The following LRRC4C variants were observed in gnomAD, a reference collection of about 807,000 sequenced individuals.
The protein encoded by LRRC4C is leucine rich repeat containing 4C.
LRRC4C carries 5 observed loss-of-function variants against 33.6 expected under a neutral mutation model. The observed-to-expected ratio is 0.15, with a 90% CI of 0.08 to 0.31. The LOEUF (loss-of-function observed/expected upper bound fraction) is 0.31. Among genes scored for constraint, LRRC4C ranks in the 10% least tolerant of loss-of-function variants. LRRC4C has a pLI of 1.00. For missense variants in LRRC4C, 560 were observed against 796.7 expected, an observed-to-expected ratio of 0.70 and a Z score of 3.58; for synonymous variants, 329 against 302.0, an observed-to-expected ratio of 1.09 and a Z score of -0.93.
chr11:40,139,183 A>G (rs1590488989), intron 6 of LRRC4C, among the ~76,000 whole-genome samples: 1 of 151,868 alleles, frequency 6.6e-6, no homozygotes, highest in South Asian at 2.1e-4. Context: ...AAGAAGACAC[A>G]TACACAGAGT....
chr11:41,004,819 A>C (rs1854624686), intron 1 of LRRC4C, among the ~76,000 whole-genome samples: 1 of 152,158 alleles, frequency 6.6e-6, no homozygotes, highest in Non-Finnish European at 1.5e-5. Flanking sequence ...AAATGTATGA[A>C]TTTTGAAGCC....
intron 3 of LRRC4C, among the ~76,000 whole-genome samples, chr11:40,504,429 G>T (rs1262764299): frequency 1.3e-5 from 2 of 151,878 alleles, no homozygotes; most frequent in African/African-American, 2.4e-5. Context: ...CACAGAAAAA[G>T]ACTCAGATGA....
chr11:40,421,432 G>T (rs1040328846), intron 3 of LRRC4C, among the ~76,000 whole-genome samples: 6 of 152,144 alleles, frequency 3.9e-5, no homozygotes, highest in African/African-American at 1.4e-4. Flanking sequence ...GTCGCTTGTG[G>T]GCAACCTTCC....
At chr11:40,175,319 G>T (rs1481333400) in intron 5 of LRRC4C, among the ~76,000 whole-genome samples, 1 of 152,198 alleles carries the variant, frequency 6.6e-6, no homozygotes, top group Non-Finnish European at 1.5e-5. Flanking sequence ...AAAAATGCGT[G>T]AGCATTTGCT....
chr11:41,344,179 T>G (rs1951726540), intron 1 of LRRC4C, among the ~76,000 whole-genome samples: 1 of 151,692 alleles, frequency 6.6e-6, no homozygotes, highest in African/African-American at 2.4e-5. Context: ...CAGAGCCCAG[T>G]GATTTTCCCA....
intron 3 of LRRC4C, among the ~76,000 whole-genome samples, chr11:40,585,702 T>G (rs930814195): frequency 2.1e-4 from 30 of 140,396 alleles, no homozygotes; most frequent in African/African-American, 7.3e-4. Context: ...AATTCCCACC[T>G]ATGAGGGAGA....
intron 1 of LRRC4C, among the ~76,000 whole-genome samples, chr11:41,277,153 G>T (rs1319117491): frequency 6.6e-6 from 1 of 152,068 alleles, no homozygotes; most frequent in Non-Finnish European, 1.5e-5. Context: ...TGAATGGGTG[G>T]ATGTTTAAAT....
intron 2 of LRRC4C, among the ~76,000 whole-genome samples, chr11:40,842,995 G>C (rs1434917673): frequency 1.3e-5 from 2 of 152,180 alleles, no homozygotes; most frequent in East Asian, 3.9e-4. Context: ...CATTCAGCCT[G>C]TTCCAAACAT....
chr11:41,221,172 G>A (rs1017285479), intron 1 of LRRC4C, among the ~76,000 whole-genome samples: 2 of 151,698 alleles, frequency 1.3e-5, no homozygotes, highest in Non-Finnish European at 2.9e-5. Context: ...CCCAGTGTGT[G>A]TTGTTCCCCT....
intron 3 of LRRC4C, among the ~76,000 whole-genome samples, chr11:40,419,940 C>T (rs1272011389): frequency 6.6e-6 from 1 of 152,144 alleles, no homozygotes; most frequent in Non-Finnish European, 1.5e-5. Flanking sequence ...TGAATCTACT[C>T]TTTGGGGAGG....
At chr11:40,340,039 A>G (rs1946799017) in intron 3 of LRRC4C, among the ~76,000 whole-genome samples, 2 of 152,096 alleles carry the variant, frequency 1.3e-5, no homozygotes, top group Admixed American at 6.5e-5. Flanking sequence ...ATAACTAGAA[A>G]TTTTAATTGA....
chr11:40,186,268 T>C (rs1392931141), intron 5 of LRRC4C, among the ~76,000 whole-genome samples: 1 of 152,192 alleles, frequency 6.6e-6, no homozygotes, highest in Admixed American at 6.5e-5. Context: ...TAATTTTAGT[T>C]AATGCTTTTC....
intron 3 of LRRC4C, among the ~76,000 whole-genome samples, chr11:40,495,717 C>T (rs766250437): frequency 4.1e-5 from 6 of 145,992 alleles, no homozygotes; most frequent in Non-Finnish European, 7.4e-5. Flanking sequence ...CTCTTAGTCT[C>T]TGTGTTGGAA....
intron 4 of LRRC4C, among the ~76,000 whole-genome samples, chr11:40,283,971 G>A (rs538865650): frequency 2.6e-5 from 4 of 152,092 alleles, no homozygotes; most frequent in Admixed American, 6.5e-5. Context: ...CCAAAGTGCT[G>A]GGATTACAGG....
intron 1 of LRRC4C, among the ~76,000 whole-genome samples, chr11:41,314,093 G>A (rs1301760375): frequency 6.6e-6 from 1 of 152,142 alleles, no homozygotes; most frequent in Non-Finnish European, 1.5e-5. Context: ...TTGGGAAAGG[G>A]TGGAGAATGA....
intron 1 of LRRC4C, among the ~76,000 whole-genome samples, chr11:41,302,368 GAGAC>G (rs367644072): frequency 2.1e-4 from 32 of 152,338 alleles, no homozygotes; most frequent in African/African-American, 7.5e-4. Flanking sequence ...AAAGTTGAGA[GAGAC>G]AGAACCTTTC....
intron 3 of LRRC4C, among the ~76,000 whole-genome samples, chr11:40,627,676 T>C (rs1963081843): frequency 6.6e-6 from 1 of 152,176 alleles, no homozygotes; most frequent in African/African-American, 2.4e-5. Flanking sequence ...CAGCCTGTGA[T>C]TGCATCCCTG....
intron 1 of LRRC4C, among the ~76,000 whole-genome samples, chr11:41,026,679 C>A (rs776378313): frequency 6.6e-6 from 1 of 151,250 alleles, no homozygotes; most frequent in Non-Finnish European, 1.5e-5. Flanking sequence ...GATACCCCAA[C>A]CTTCAGCAAC....
At chr11:40,482,383 G>A (rs1953620079) in intron 3 of LRRC4C, among the ~76,000 whole-genome samples, 1 of 152,036 alleles carries the variant, frequency 6.6e-6, no homozygotes, top group Non-Finnish European at 1.5e-5. Context: ...TAGAGTATAG[G>A]AAATCAAATG....
Sources: allele counts gnomAD v4.1 joint callset (sites outside exome capture counted in the v4.1 genomes callset), GRCh38; gene constraint gnomAD v4.1.1; transcripts MANE v1.5; gene names NCBI Gene and HGNC (gene_info 2026-07-23, HGNC 2026-07-21).